Variants in HLCS observed in about 807,000 individuals in gnomAD.
HLCS encodes biotin--protein ligase.
Under a neutral mutation model 75.0 loss-of-function variants are expected in HLCS, and 53 were observed. The ratio of observed to expected loss-of-function variants is 0.71; its 90% CI spans 0.57 to 0.89. HLCS has a LOEUF of 0.89. Among genes scored for constraint, HLCS ranks in the 40% least tolerant of loss-of-function variants. The pLI, the probability that HLCS is intolerant of heterozygous loss-of-function variation, is 0.00. For synonymous variants in HLCS, 431 were observed against 428.6 expected, an observed-to-expected ratio of 1.01 and a Z score of -0.07; for missense variants, 966 against 1,074.0, an observed-to-expected ratio of 0.90 and a Z score of 1.41.
chr21:36,908,966 G>A (rs867964195), intron 5 of HLCS, among the ~76,000 whole-genome samples: 4 of 152,222 alleles, frequency 2.6e-5, no homozygotes, highest in Middle Eastern at 3.4e-3. Flanking sequence ...AGGCTGAGGC[G>A]GGCGGATCAC....
At chr21:36,938,536 G>A (rs2066996204) in intron 3 of HLCS, among the ~76,000 whole-genome samples, 1 of 152,160 alleles carries the variant, frequency 6.6e-6, no homozygotes, top group Non-Finnish European at 1.5e-5. Flanking sequence ...GTCTCACTTT[G>A]TCACCCACAT....
At chr21:36,787,622 C>T (rs922348809) in intron 6 of HLCS, among the ~76,000 whole-genome samples, 7 of 152,132 alleles carry the variant, frequency 4.6e-5, no homozygotes, top group Admixed American at 2.0e-4. Context: ...AGCTCCTTTG[C>T]GGTCTTTCTA....
chr21:36,861,487 C>T (rs1386734613), intron 6 of HLCS, among the ~76,000 whole-genome samples: 2 of 152,170 alleles, frequency 1.3e-5, no homozygotes, highest in African/African-American at 4.8e-5. Context: ...ACCATCTTGT[C>T]ACCCAGGTAC....
At chr21:36,931,399 A>G (rs898596725) in intron 4 of HLCS, among the ~76,000 whole-genome samples, 9 of 151,976 alleles carry the variant, frequency 5.9e-5, no homozygotes, top group African/African-American at 1.9e-4. Context: ...TTTGCCTATT[A>G]GCCATAACTG....
chr21:36,903,704 TAAG>T (rs1230956864), intron 5 of HLCS, among the ~76,000 whole-genome samples: 1 of 152,204 alleles, frequency 6.6e-6, no homozygotes, highest in Non-Finnish European at 1.5e-5. Context: ...ATCATTCATT[TAAG>T]AAACATGTAT....
intron 5 of HLCS, among the ~76,000 whole-genome samples, chr21:36,927,003 C>T (rs932086394): frequency 5.3e-5 from 8 of 152,228 alleles, no homozygotes; most frequent in African/African-American, 1.9e-4. Context: ...GCCTCAGCCT[C>T]CCAAGGCATT....
At chr21:36,767,336 G>A (rs779439630) in intron 6 of HLCS, 51 bp from the exon 7 acceptor site, 20 of 1,537,128 alleles carry the variant, frequency 1.3e-5, no homozygotes, top group Non-Finnish European at 1.6e-5. Context: ...CACGCCCGCG[G>A]CACCAATGGC....
intron 5 of HLCS, among the ~76,000 whole-genome samples, chr21:36,929,492 G>A (rs1201998765): frequency 6.6e-6 from 1 of 152,172 alleles, no homozygotes; most frequent in African/African-American, 2.4e-5. Context: ...AAAAATGTTG[G>A]GATGAGAGGT....
intron 1 of HLCS, among the ~76,000 whole-genome samples, chr21:36,989,146 C>T (rs1396014160): frequency 1.3e-5 from 2 of 151,644 alleles, no homozygotes; most frequent in Non-Finnish European, 2.9e-5. Context: ...AAGCAATCCT[C>T]CCACCTCAGC....
rs2066901135 is a variant in HLCS at position 36,936,716 on chromosome 21, C to T, written c.1170G>A (p.Val390=). ...AGGTGAAGGATGAAGACAGGCCCAA[C>T]ACCTTCCCTCCCTGAGAAAGATAGG... The part of the protein sequence containing the change: ...FMAYLSQGGK[V]LGLSSSFTFG... Residue 390 remains valine (V), a synonymous_variant, in exon 4 of 11, where the codon GTG becomes GTA. Coordinates refer to ENST00000674895, the MANE Select transcript of HLCS (RefSeq NM_001352514.2). The T allele has an allele frequency of 1.2e-6, 2 of 1,614,244 alleles. No individual in the cohort carries two copies. The highest frequency in any genetic ancestry group is 1.7e-6 in the Non-Finnish European group (2 of 1,180,044).
rs886057059 is a variant in HLCS, at chr21:36,751,037, G to A, written c.*3209C>T. On this transcript the variant is annotated 3_prime_UTR_variant, in exon 11 of 11. Transcript: ENST00000674895. Reference sequence around the variant, plus strand: ...AATACGTCAAAAAAAAAAACACTTGGCTTCTTAATACTTGGAAATACGTAC... The same window carrying A: ...AATACGTCAAAAAAAAAAACACTTGACTTCTTAATACTTGGAAATACGTAC... The A allele has an allele frequency of 6.6e-6, 1 of 151,738 alleles. No homozygotes were observed. The highest frequency in any genetic ancestry group is 1.9e-4 in the East Asian group (1 of 5,184). The allele number at this position is 151,738 out of a possible 1,614,324, so 9.4% of individuals were successfully genotyped here.
At chr21:36,918,585 A>C (rs1278919854) in intron 5 of HLCS, among the ~76,000 whole-genome samples, 1 of 152,230 alleles carries the variant, frequency 6.6e-6, no homozygotes, top group Admixed American at 6.5e-5. Flanking sequence ...CAGAACAAAA[A>C]TCAATACCGT....
At chr21:36,868,558 T>G (rs2063654034) in intron 6 of HLCS, among the ~76,000 whole-genome samples, 1 of 152,172 alleles carries the variant, frequency 6.6e-6, no homozygotes, top group Non-Finnish European at 1.5e-5. Context: ...TTTTTTCCTC[T>G]AAGTTTTTCA....
chr21:36,822,398 G>T (rs7280357), intron 6 of HLCS, among the ~76,000 whole-genome samples: 11 of 151,974 alleles, frequency 7.2e-5, no homozygotes, highest in African/African-American at 2.2e-4. Context: ...ACGCAGTGAC[G>T]GAGCCTGGGT....
At position 36,752,151 on chromosome 21, in the gene HLCS, T is replaced by G. The variant is rs2089392903; in HGVS notation, c.*2095A>C. 1 of 152,674 alleles carries G rather than the reference T, an allele frequency of 6.5e-6. No individual in the cohort carries two copies. Among genetic ancestry groups the G allele is most frequent in the Non-Finnish European group, 1.5e-5 (1 of 68,050 alleles). The allele number at this position is 152,674 out of a possible 1,614,324, so 9.5% of individuals were successfully genotyped here. On this transcript the variant is annotated 3_prime_UTR_variant, in exon 11 of 11. Transcript: ENST00000674895. The stretch of plus-strand genomic sequence containing the variant: ...TCAGGTTTATGGAAAACGCAGCATC[T>G]GCTTCAAGGCTGCTTCATCTCTCTC...
chr21:36,798,652 T>C (rs1282409510), intron 6 of HLCS, among the ~76,000 whole-genome samples: 1 of 152,220 alleles, frequency 6.6e-6, no homozygotes, highest in Non-Finnish European at 1.5e-5. Flanking sequence ...TTCCCACCAG[T>C]AACACATGAG....
chr21:36,943,155 T>C (rs1297114182), intron 2 of HLCS: 2 of 152,060 alleles, frequency 1.3e-5, no homozygotes, highest in African/African-American at 2.4e-5. Context: ...TTGGAAGACT[T>C]TGGGAGTTCC....
At chr21:36,913,030 C>T (rs948648413) in intron 5 of HLCS, among the ~76,000 whole-genome samples, 1 of 152,212 alleles carries the variant, frequency 6.6e-6, no homozygotes, top group Non-Finnish European at 1.5e-5. Flanking sequence ...ACTTTCTGCA[C>T]ATCCATCCAC....
chr21:36,867,515 G>T (rs2063599105), intron 6 of HLCS, among the ~76,000 whole-genome samples: 1 of 152,148 alleles, frequency 6.6e-6, no homozygotes, highest in South Asian at 2.1e-4. Flanking sequence ...CTAGGACCAG[G>T]TTCTTGCCAA....
Sources: gnomAD v4.1 joint callset for allele counts (sites outside exome capture counted in the v4.1 genomes callset) on GRCh38, gnomAD v4.1.1 for gene constraint, MANE v1.5 for transcripts, NCBI Gene and HGNC (gene_info 2026-07-23, HGNC 2026-07-21) for gene names.